SLC35F4: variants seen among roughly 807,000 people sequenced by gnomAD.
SLC35F4 encodes solute carrier family 35 member F4.
A neutral mutation model predicts 44.2 loss-of-function variants in SLC35F4; 24 were observed. The observed-to-expected ratio is 0.54, with a 90% CI of 0.39 to 0.76. The LOEUF (loss-of-function observed/expected upper bound fraction) is 0.76, where lower values mean the gene tolerates loss of function less well. Among genes scored for constraint, SLC35F4 ranks in the 30% least tolerant of loss-of-function variants. The probability of loss-of-function intolerance (pLI) is 0.00; values close to 1 mark genes in which losing one functional copy is unlikely to be tolerated. For missense variants in SLC35F4, 562 were observed against 586.1 expected (o/e 0.96, Z 0.42); for synonymous variants, 238 against 223.6 (o/e 1.06, Z -0.57).
intron 1 of SLC35F4, chr14:57,630,936 C>T (rs1399562896): frequency 4.6e-5 from 32 of 698,078 alleles, no homozygotes; most frequent in Middle Eastern, 7.2e-4. Flanking sequence ...TAAAGATTCT[C>T]ATTTTTATGC....
intron 1 of SLC35F4, among the ~76,000 whole-genome samples, chr14:57,650,892 C>T (rs2073755003): frequency 6.6e-6 from 1 of 152,156 alleles, no homozygotes; most frequent in South Asian, 2.1e-4. Flanking sequence ...GCCTGGAACC[C>T]TTCCTCAGCT....
chr14:57,839,649 A>G (rs980838421), intron 1 of SLC35F4, among the ~76,000 whole-genome samples: 3 of 152,110 alleles, frequency 2.0e-5, no homozygotes, highest in African/African-American at 7.2e-5. Flanking sequence ...AATGGGGGCT[A>G]GGCTTAATAC....
intron 1 of SLC35F4, among the ~76,000 whole-genome samples, chr14:57,783,421 C>T (rs1189855210): frequency 6.6e-6 from 1 of 151,978 alleles, no homozygotes; most frequent in South Asian, 2.1e-4. Context: ...CCACAAAGGA[C>T]ATTTATTAGT....
chr14:57,665,454 T>C (rs867229323), intron 1 of SLC35F4, among the ~76,000 whole-genome samples: 2 of 152,308 alleles, frequency 1.3e-5, no homozygotes, highest in Middle Eastern at 3.4e-3. Flanking sequence ...ATTTTAAGGA[T>C]GAGGCAACTA....
chr14:57,683,842 A>G (rs1212659749), intron 1 of SLC35F4, among the ~76,000 whole-genome samples: 1 of 152,020 alleles, frequency 6.6e-6, no homozygotes, highest in Non-Finnish European at 1.5e-5. Context: ...TCTCTCTTCT[A>G]TCCACCCAAG....
intron 1 of SLC35F4, among the ~76,000 whole-genome samples, chr14:57,698,762 A>G (rs2048785889): frequency 6.6e-6 from 1 of 151,538 alleles, no homozygotes; most frequent in South Asian, 2.1e-4. Flanking sequence ...CTCAGCCTCT[A>G]AAGTAGCTGG....
intron 1 of SLC35F4, among the ~76,000 whole-genome samples, chr14:57,874,812 T>C (rs527709784): frequency 1.3e-5 from 2 of 152,286 alleles, no homozygotes; most frequent in Admixed American, 6.5e-5. Context: ...CTGGGCTTGG[T>C]AGACAGAAGG....
At chr14:57,869,393 T>C (rs1888248838), upstream of SLC35F4, among the ~76,000 whole-genome samples, 1 of 152,138 alleles carries the variant, frequency 6.6e-6, no homozygotes, top group South Asian at 2.1e-4. Context: ...TTGGAAGGGT[T>C]AGTAAAATAA....
intron 1 of SLC35F4, among the ~76,000 whole-genome samples, chr14:57,978,901 G>A (rs898350282): frequency 2.0e-5 from 3 of 152,216 alleles, no homozygotes; most frequent in Admixed American, 1.3e-4. Context: ...AGGAGATACT[G>A]TATTGGTGGA....
intron 1 of SLC35F4, among the ~76,000 whole-genome samples, chr14:57,641,064 T>C (rs1177148110): frequency 6.6e-6 from 1 of 151,764 alleles, no homozygotes; most frequent in Non-Finnish European, 1.5e-5. Flanking sequence ...AAAGTGAAAA[T>C]CAATACAATG....
chr14:57,963,711 CCT>C (rs1491366780), intron 1 of SLC35F4, among the ~76,000 whole-genome samples: 2 of 120,324 alleles, frequency 1.7e-5, no homozygotes, highest in South Asian at 3.0e-4. Flanking sequence ...CATTCTAGCT[CCT>C]TTTTTTTTTT....
intron 1 of SLC35F4, among the ~76,000 whole-genome samples, chr14:57,860,448 G>A (rs1302417437): frequency 6.6e-6 from 1 of 152,134 alleles, no homozygotes; most frequent in Admixed American, 6.5e-5. Context: ...TGTCAAAGCT[G>A]ACCTACTGCA....
Position 57,778,532 on chromosome 14 carries a change from G to A in SLC35F4, c.103+87191C>T, listed in dbSNP as rs147524343. Among the ~76,000 whole-genome samples, 3 of 151,494 alleles carry A rather than the reference G, an allele frequency of 2.0e-5. No homozygotes were observed. In the East Asian group the frequency reaches 5.8e-4, roughly 30 times the overall value. ...GTTAGACTCCCACATTAAAACACTG[G>A]AAGACTTCAATACCCACTGACAATA... On this transcript the variant is annotated intron_variant, in intron 1 of 7. Coordinates refer to ENST00000556826, the MANE Select transcript of SLC35F4 (RefSeq NM_001306087.2).
At chr14:57,863,026 T>TTA (rs1566912888) in intron 1 of SLC35F4, among the ~76,000 whole-genome samples, 1 of 151,854 alleles carries the variant, frequency 6.6e-6, no homozygotes, top group African/African-American at 2.4e-5. Flanking sequence ...TCATCTTTTT[T>TTA]AAAAAAAATG....
At position 57,569,800 on chromosome 14, in the gene SLC35F4, C is replaced by CCA; in HGVS notation, c.1113_1114insTG (p.Gly372TrpfsTer11). The CCA allele has an allele frequency of 6.2e-7, 1 of 1,600,912 alleles. No homozygotes were observed. Among genetic ancestry groups the CCA allele is most frequent in the Non-Finnish European group, 8.5e-7 (1 of 1,175,300 alleles). The stretch of plus-strand genomic sequence containing the variant: ...CGAGGCCACTTACCCAGCCACAGCC[C>CCA]TGCCATCCCACAGAGACAGCCCCAT... On this transcript the variant is annotated frameshift_variant, in exon 6 of 8. Transcript: ENST00000556826. LOFTEE classifies it high-confidence loss of function.
chr14:57,662,117 CTCCAAATGCAT>C (rs1207936104), intron 1 of SLC35F4, among the ~76,000 whole-genome samples: 1 of 152,216 alleles, frequency 6.6e-6, no homozygotes, highest in East Asian at 1.9e-4. Flanking sequence ...ACTCTAACAA[CTCCAAATGCAT>C]TCTTTGAAAA....
At chr14:57,600,327 G>C (rs540354874) in intron 1 of SLC35F4, among the ~76,000 whole-genome samples, 1 of 152,186 alleles carries the variant, frequency 6.6e-6, no homozygotes, top group South Asian at 2.1e-4. Flanking sequence ...TGTAACCCTG[G>C]ATTTTTCACT....
intron 1 of SLC35F4, among the ~76,000 whole-genome samples, chr14:57,682,817 CTG>C (rs2074949118): frequency 6.6e-6 from 1 of 152,112 alleles, no homozygotes; most frequent in Non-Finnish European, 1.5e-5. Flanking sequence ...CTTAATCTCA[CTG>C]TGTCTCAATG....
chr14:57,782,908 G>A (rs1458080361), intron 1 of SLC35F4, among the ~76,000 whole-genome samples: 1 of 152,120 alleles, frequency 6.6e-6, no homozygotes, highest in Non-Finnish European at 1.5e-5. Context: ...TTGAAATGTG[G>A]CATAAATTGA....
Sources: gnomAD v4.1 joint callset for allele counts (sites outside exome capture counted in the v4.1 genomes callset) on GRCh38, gnomAD v4.1.1 for gene constraint, MANE v1.5 for transcripts, NCBI Gene and HGNC (gene_info 2026-07-23, HGNC 2026-07-21) for gene names.